NALCN: variants seen among roughly 807,000 people sequenced by gnomAD.
NALCN encodes the protein sodium leak channel NALCN.
Under a neutral mutation model 225.3 loss-of-function variants are expected in NALCN, and 111 were observed. The ratio of observed to expected loss-of-function variants is 0.49; its 90% CI spans 0.42 to 0.58. NALCN has a LOEUF of 0.58. Among genes scored for constraint, NALCN ranks in the 20% least tolerant of loss-of-function variants. The pLI, the probability that NALCN is intolerant of heterozygous loss-of-function variation, is 0.00. For synonymous variants in NALCN, 764 were observed against 769.0 expected, an observed-to-expected ratio of 0.99 and a Z score of 0.11; for missense variants, 1,378 against 2,202.4, an observed-to-expected ratio of 0.63 and a Z score of 7.49.
chr13:101,352,886 C>T (rs891570286), intron 6 of NALCN, among the ~76,000 whole-genome samples: 3 of 152,106 alleles, frequency 2.0e-5, no homozygotes, highest in Non-Finnish European at 4.4e-5. Context: ...CGAAATTTGA[C>T]CCATTTGTTG....
At chr13:101,324,105 T>A (rs952572922) in intron 7 of NALCN, among the ~76,000 whole-genome samples, 3 of 152,070 alleles carry the variant, frequency 2.0e-5, no homozygotes, top group African/African-American at 7.2e-5. Context: ...AACCAGAGGG[T>A]AAAAAAATTT....
chr13:101,082,304 C>G (rs1178068854), intron 33 of NALCN, among the ~76,000 whole-genome samples: 2 of 152,188 alleles, frequency 1.3e-5, no homozygotes, highest in Non-Finnish European at 2.9e-5. Flanking sequence ...ACTCTTTCCT[C>G]TTCGTTTTAT....
At chr13:101,409,390 C>A (rs1433502332) in intron 1 of NALCN, among the ~76,000 whole-genome samples, 2 of 152,198 alleles carry the variant, frequency 1.3e-5, no homozygotes, top group Non-Finnish European at 2.9e-5. Context: ...TAACACAGAT[C>A]TCTCGAGCTC....
chr13:101,096,010 A>G (rs1319362604), intron 27 of NALCN, among the ~76,000 whole-genome samples: 1 of 152,188 alleles, frequency 6.6e-6, no homozygotes, highest in Non-Finnish European at 1.5e-5. Context: ...CCATAATGAT[A>G]TATCACCTCA....
chr13:101,201,962 T>C (rs1473715448), intron 13 of NALCN, among the ~76,000 whole-genome samples: 1 of 152,212 alleles, frequency 6.6e-6, no homozygotes, highest in Non-Finnish European at 1.5e-5. Context: ...AAGACTTGCC[T>C]TGATGGTATT....
intron 14 of NALCN, among the ~76,000 whole-genome samples, chr13:101,188,065 T>A (rs59229434): frequency 0.14 from 20,534 of 152,034 alleles, 2,075 homozygotes; most frequent in African/African-American, 0.28. Flanking sequence ...CCTAGAGAAA[T>A]TCACATAAGT....
intron 10 of NALCN, among the ~76,000 whole-genome samples, chr13:101,276,578 G>A (rs766758624): frequency 1.3e-5 from 2 of 152,144 alleles, no homozygotes; most frequent in African/African-American, 4.8e-5. Flanking sequence ...TTGCATGCCT[G>A]CATATGGTTC....
intron 7 of NALCN, among the ~76,000 whole-genome samples, chr13:101,327,091 T>C (rs1256544797): frequency 2.6e-5 from 4 of 152,024 alleles, no homozygotes; most frequent in African/African-American, 9.7e-5. Context: ...TACATTCCAC[T>C]TCTTGGTGGA....
intron 3 of NALCN, among the ~76,000 whole-genome samples, chr13:101,382,704 G>A (rs1282030957): frequency 3.9e-5 from 6 of 152,032 alleles, no homozygotes; most frequent in Non-Finnish European, 5.9e-5. Context: ...TCTTAATTTC[G>A]AACGACCTCA....
At chr13:101,071,871 G>A (rs974866064) in intron 37 of NALCN, among the ~76,000 whole-genome samples, 10 of 152,134 alleles carry the variant, frequency 6.6e-5, no homozygotes, top group Non-Finnish European at 1.3e-4. Context: ...AGTGACTGAT[G>A]TGTGAATCTT....
At chr13:101,165,037 G>A (rs1214809707) in intron 15 of NALCN, among the ~76,000 whole-genome samples, 1 of 152,128 alleles carries the variant, frequency 6.6e-6, no homozygotes, top group East Asian at 1.9e-4. Flanking sequence ...TCGCTCCTGG[G>A]CAGCTGTTCC....
At chr13:101,103,459 T>G in intron 25 of NALCN, 120 bp from the exon 26 acceptor site, 1 of 1,230,918 alleles carries the variant, frequency 8.1e-7, no homozygotes, top group East Asian at 2.5e-5. Flanking sequence ...TGGTTGTACG[T>G]GCCATCTGTT....
At chr13:101,135,015 A>T (rs2036705102) in intron 17 of NALCN, among the ~76,000 whole-genome samples, 1 of 152,140 alleles carries the variant, frequency 6.6e-6, no homozygotes, top group Non-Finnish European at 1.5e-5. Context: ...TAACACGGTG[A>T]AACCCTGTCT....
At position 101,334,073 on chromosome 13, in the gene NALCN, C is replaced by T. The variant is rs1342275974; in HGVS notation, c.799+11193G>A. On this transcript the variant is annotated intron_variant, in intron 7 of 43. Coordinates refer to ENST00000251127, the MANE Select transcript of NALCN (RefSeq NM_052867.4). ...AAGTATATACCGAGTTCAATGAGAG[C>T]GAGAAAAGACATCAAAAGAAGTGCC... Among the ~76,000 whole-genome samples, 6 of 152,106 alleles carry T rather than the reference C, an allele frequency of 3.9e-5. No individual in the cohort carries two copies. The East Asian group carries it at 5.8e-4, about 15-fold the overall frequency.
chr13:101,273,484 A>G (rs530673819), intron 10 of NALCN, among the ~76,000 whole-genome samples: 30 of 152,284 alleles, frequency 2.0e-4, no homozygotes, highest in African/African-American at 7.2e-4. Flanking sequence ...TTATTGACTA[A>G]ACATGGGAGA....
chr13:101,292,375 A>G lies in NALCN; in HGVS notation c.800-9T>C, dbSNP rs751720007. On this transcript the variant is annotated splice_polypyrimidine_tract_variant and intron_variant, in intron 7 of 43. Transcript: ENST00000251127. The surrounding 1 kb of genome is among the most constrained non-coding windows in gnomAD (Gnocchi z 4.3). Reference sequence around the variant, plus strand: ...GGTGAATATACTAGTTCCTGTCATGACAGAGGAGGACAGACTGAGTCACAG... The same window carrying G: ...GGTGAATATACTAGTTCCTGTCATGGCAGAGGAGGACAGACTGAGTCACAG... 1.2e-6 allele frequency: 2 copies of G among 1,605,198 alleles called. No homozygotes were observed. Among genetic ancestry groups the G allele is most frequent in the Non-Finnish European group, 1.7e-6 (2 of 1,175,976 alleles).
At chr13:101,410,620 C>T (rs115971413) in intron 1 of NALCN, among the ~76,000 whole-genome samples, 3,522 of 152,226 alleles carry the variant, frequency 0.023, 64 homozygotes, top group South Asian at 0.045. Context: ...CTAGTCTAGA[C>T]TACACCTTTA....
At chr13:101,344,604 G>A (rs946736706) in intron 7 of NALCN, among the ~76,000 whole-genome samples, 4 of 151,960 alleles carry the variant, frequency 2.6e-5, no homozygotes, top group East Asian at 1.9e-4. Flanking sequence ...TATAATATGC[G>A]CAACTTGCAT....
rs1430486354 is a variant in NALCN at position 101,399,215 on chromosome 13, C to CA, written c.-39-51dup. The CA allele has an allele frequency of 4.8e-6, 7 of 1,444,514 alleles. No individual in the cohort carries two copies. In the East Asian group the frequency reaches 1.7e-4, roughly 35 times the overall value. The allele number at this position is 1,444,514 out of a possible 1,614,324, so 89.5% of individuals were successfully genotyped here. On this transcript the variant is annotated intron_variant, in intron 1 of 43. Coordinates refer to ENST00000251127, the MANE Select transcript of NALCN (RefSeq NM_052867.4). The stretch of plus-strand genomic sequence containing the variant: ...GTCATCTAAACCATCTTGCCCTCAT[C>CA]AAAAAATTGAGTTCCCCACATATAT...
Sources: gnomAD v4.1 joint callset for allele counts (sites outside exome capture counted in the v4.1 genomes callset) on GRCh38, gnomAD v4.1.1 for gene constraint, Gnocchi (gnomAD v3.1) non-coding constraint, MANE v1.5 for transcripts, NCBI Gene and HGNC (gene_info 2026-07-23, HGNC 2026-07-21) for gene names.